BTN2A1: variants seen among roughly 807,000 people sequenced by gnomAD.
BTN2A1 encodes butyrophilin subfamily 2 member A1.
BTN2A1 carries 41 observed loss-of-function variants against 34.5 expected under a neutral mutation model. The observed-to-expected ratio is 1.19, with a 90% confidence interval of 0.93 to 1.54. BTN2A1 has a LOEUF of 1.54. Ranked by LOEUF, BTN2A1 falls within the 40% of genes most tolerant of loss-of-function variation. The probability of loss-of-function intolerance (pLI) is 0.00; values close to 1 mark genes in which losing one functional copy is unlikely to be tolerated. For missense variants in BTN2A1, 642 were observed against 662.0 expected, an observed-to-expected ratio of 0.97 and a Z score of 0.33; for synonymous variants, 267 against 258.6, an observed-to-expected ratio of 1.03 and a Z score of -0.31.
Position 26,468,121 on chromosome 6 carries a change from C to T in BTN2A1, c.1156C>T (p.His386Tyr), listed in dbSNP as rs1763368874. The T allele has an allele frequency of 3.1e-6, 5 of 1,614,046 alleles. No individual in the cohort carries two copies. The highest frequency in any genetic ancestry group is 4.2e-6 in the Non-Finnish European group (5 of 1,180,042). The change falls in exon 8 of 8, where the codon CAT (histidine) becomes TAT (tyrosine). Residue 386 changes from histidine (H) to tyrosine (Y), a missense_variant. Physicochemically the swap from His to Tyr is moderately conservative, Grantham distance 83. Coordinates refer to ENST00000312541, the MANE Select transcript of BTN2A1 (RefSeq NM_007049.5). ...LGRESFASGK[H>Y]YWEVEVENVI... is the part of the protein sequence containing the mutation. ...CCGGGAGAGCTTCGCTTCAGGGAAA[C>T]ATTACTGGGAGGTGGAGGTGGAAAA...
chr6:26,458,768 A>G lies in BTN2A1; in HGVS notation c.82+50A>G, dbSNP rs1244578630. ...TGTCACCTATCAGAAAGGAACATCA[A>G]CCCTGTAGTCTGCAAAGGGAAAGAA... On this transcript the variant is annotated intron_variant, in intron 2 of 7. Transcript: ENST00000312541. The G allele has an allele frequency of 3.8e-6, 6 of 1,593,840 alleles. No individual in the cohort carries two copies. The African/African-American group carries it at 6.7e-5, about 18-fold the overall frequency.
At position 26,465,329 on chromosome 6, in the gene BTN2A1, A is replaced by T; in HGVS notation, c.857A>T (p.Glu286Val). The change falls in exon 5 of 8, where the codon GAA (glutamate) becomes GTA (valine). Residue 286 changes from glutamate to valine, a missense_variant. Coordinates refer to ENST00000312541, the MANE Select transcript of BTN2A1 (RefSeq NM_007049.5). ...KKILSGEKEF[E>V]RETREIALKE... is the part of the protein sequence containing the mutation. ...ATTCTGTCAGGGGAAAAGGAGTTTG[A>T]ACGGGAAACAAGAGAAATTGCTCTA... 1 of 1,614,160 alleles carries T rather than the reference A, an allele frequency of 6.2e-7. No individual in the cohort carries two copies. The highest frequency in any genetic ancestry group is 1.3e-5 in the African/African-American group (1 of 75,042).
intron 3 of BTN2A1, among the ~76,000 whole-genome samples, chr6:26,462,118 A>G (rs1369598269): frequency 6.6e-6 from 1 of 152,216 alleles, no homozygotes; most frequent in African/African-American, 2.4e-5. Context: ...GAGACTTTAC[A>G]AAGGAATTAC....
downstream of BTN2A1, among the ~76,000 whole-genome samples, chr6:26,472,443 G>A (rs897990414): frequency 2.6e-5 from 4 of 152,176 alleles, no homozygotes; most frequent in African/African-American, 9.7e-5. Flanking sequence ...AATTCAAACT[G>A]TTGTAGTATC....
At position 26,468,169 on chromosome 6, in the gene BTN2A1, G is replaced by T; in HGVS notation, c.1204G>T (p.Val402Phe). The T allele has an allele frequency of 6.2e-7, 1 of 1,614,198 alleles. No homozygotes were observed. The highest frequency in any genetic ancestry group is 8.5e-7 in the Non-Finnish European group (1 of 1,180,032). ...VENVIEWTVG[V>F]CRDSVERKGE... ...AAACGTGATTGAGTGGACTGTGGGGGTCTGTAGAGACAGTGTTGAGAGGAA... is the reference window on the plus strand; with the variant it reads ...AAACGTGATTGAGTGGACTGTGGGGTTCTGTAGAGACAGTGTTGAGAGGAA... Residue 402 changes from valine (V) to phenylalanine (F), a missense_variant, in exon 8 of 8, where the codon GTC becomes TTC. Physicochemically the swap from Val to Phe is conservative, Grantham distance 50 (BLOSUM62 -1). Transcript: ENST00000312541.
At chr6:26,474,243 A>C (rs1184644746), downstream of BTN2A1, among the ~76,000 whole-genome samples, 3 of 152,168 alleles carry the variant, frequency 2.0e-5, no homozygotes, top group Non-Finnish European at 4.4e-5. Context: ...GCCGAACTTC[A>C]GTCGGCGGCA....
rs1034262390 is a variant in BTN2A1, at chr6:26,459,806, C to T, written c.408C>T (p.Ala136=). The part of the protein sequence containing the change: ...YFQEGRSYDE[A]ILHLVVAGLG... ...AAGAAGGCAGGTCCTACGATGAGGC[C>T]ATCCTGCACCTCGTAGTGGCAGGTG... Residue 136 remains alanine (A), a synonymous_variant, in exon 3 of 8, where the codon GCC becomes GCT. Transcript: ENST00000312541. 4 of 1,613,152 alleles carry T rather than the reference C, an allele frequency of 2.5e-6. No individual in the cohort carries two copies. Among genetic ancestry groups the T allele is most frequent in the Non-Finnish European group, 3.4e-6 (4 of 1,179,328 alleles).
chr6:26,470,380 AC>A (rs11394562), downstream of BTN2A1, among the ~76,000 whole-genome samples: 20 of 141,822 alleles, frequency 1.4e-4, no homozygotes, highest in African/African-American at 4.7e-4. Flanking sequence ...TATGTCAGAG[AC>A]CCCCCCCACC....
Position 26,465,331 on chromosome 6 carries a change from C to T in BTN2A1, c.859C>T (p.Arg287Trp), listed in dbSNP as rs148155227. Residue 287 changes from arginine (R) to tryptophan (W), a missense_variant, in exon 5 of 8, where the codon CGG becomes TGG. By Grantham distance (101) the Arg-to-Trp change is moderately radical (BLOSUM62 -3). Transcript: ENST00000312541. ...KILSGEKEFE[R>W]ETREIALKEL... ...TCTGTCAGGGGAAAAGGAGTTTGAA[C>T]GGGAAACAAGAGAAATTGCTCTAAA... The T allele has an allele frequency of 2.2e-5, 35 of 1,613,928 alleles. 1 individual carries two copies. The highest frequency in any genetic ancestry group is 3.3e-4 in the Middle Eastern group (2 of 6,062).
chr6:26,473,015 T>C (rs564309463), downstream of BTN2A1, among the ~76,000 whole-genome samples: 7 of 152,252 alleles, frequency 4.6e-5, no homozygotes, highest in Admixed American at 2.6e-4. Flanking sequence ...TGTGGGTATA[T>C]GGAAAGTAGT....
At position 26,469,000 on chromosome 6, in the gene BTN2A1, G is replaced by A. The variant is rs1227791049; in HGVS notation, c.*451G>A. The A allele has an allele frequency of 1.2e-5, 14 of 1,190,948 alleles. No individual in the cohort carries two copies. Among genetic ancestry groups the A allele is most frequent in the Non-Finnish European group, 1.5e-5 (14 of 944,966 alleles). The allele number at this position is 1,190,948 out of a possible 1,614,324, so 73.8% of individuals were successfully genotyped here. A position where few individuals can be genotyped will look rare whatever the true frequency, so the allele number is the denominator to read the frequency against. On this transcript the variant is annotated 3_prime_UTR_variant, in exon 8 of 8. Transcript: ENST00000312541. ...GAGAGGAGAGGGAACCAGATATGCA[G>A]ATCAGAGATAGAGGAAGTGGAACCA...
chr6:26,463,214 T>G lies in BTN2A1; in HGVS notation c.431-30T>G, dbSNP rs1342305894. ...CAGAAGAGATGCAAAAGGCACTGAC[T>G]TTTGCCTGAACCCTGATATCTCTCC... On this transcript the variant is annotated intron_variant, in intron 3 of 7. Transcript: ENST00000312541. The G allele has an allele frequency of 4.5e-6, 7 of 1,542,688 alleles. No individual in the cohort carries two copies. In the East Asian group the frequency reaches 6.8e-5, roughly 15 times the overall value.
In BTN2A1 at chr6:26,460,098, C is replaced by T. The variant is rs192483706; in HGVS notation, c.430+270C>T. Among the ~76,000 whole-genome samples the T allele has an allele frequency of 1.4e-4, 21 of 152,096 alleles. No individual in the cohort carries two copies. The East Asian group carries it at 3.7e-3, about 27-fold the overall frequency. On this transcript the variant is annotated intron_variant, in intron 3 of 7. Transcript: ENST00000312541. Reference sequence around the variant, plus strand: ...GTGAGCAGGGGAAAATGGTCAGTCTCGGAAGAGAAGTCTTATACCTGCCTT... The same window carrying T: ...GTGAGCAGGGGAAAATGGTCAGTCTTGGAAGAGAAGTCTTATACCTGCCTT...
chr6:26,475,205 C>T (rs183558807), intron 7 of BTN2A1, among the ~76,000 whole-genome samples: 34 of 152,160 alleles, frequency 2.2e-4, no homozygotes, highest in African/African-American at 8.0e-4. Context: ...CCCAACATCC[C>T]CACAACAGCC....
Position 26,463,364 on chromosome 6 carries a change from G to T in BTN2A1, c.551G>T (p.Gly184Val). Residue 184 changes from glycine (G) to valine (V), a missense_variant, in exon 4 of 8, where the codon GGG (glycine) becomes GTG (valine). Gly to Val is a moderately radical substitution (Grantham distance 109). Coordinates refer to ENST00000312541, the MANE Select transcript of BTN2A1 (RefSeq NM_007049.5). ...ACAGTGTGGAGGGACCCCTACGGTGGGGTTGCGCCTGCCCTGAAAGAGGTC... is the reference window on the plus strand; with the variant it reads ...ACAGTGTGGAGGGACCCCTACGGTGTGGTTGCGCCTGCCCTGAAAGAGGTC... The part of the protein sequence containing the change: ...PLTVWRDPYG[G>V]VAPALKEVSM... The T allele has an allele frequency of 6.2e-7, 1 of 1,614,080 alleles. No individual in the cohort carries two copies. Among genetic ancestry groups the T allele is most frequent in the Non-Finnish European group, 8.5e-7 (1 of 1,180,002 alleles).
chr6:26,471,384 T>A (rs1351041617), downstream of BTN2A1, among the ~76,000 whole-genome samples: 4 of 152,234 alleles, frequency 2.6e-5, no homozygotes, highest in Non-Finnish European at 5.9e-5. Flanking sequence ...TTTAAATGTG[T>A]CCTCATATGG....
intron 3 of BTN2A1, chr6:26,462,802 C>T (rs1763200793): frequency 7.8e-7 from 1 of 1,286,794 alleles, no homozygotes; most frequent in East Asian, 5.6e-5. Flanking sequence ...TCTAGAGCTT[C>T]TGGAAGCTGA....
At chr6:26,472,944 G>A (rs1361942891), downstream of BTN2A1, among the ~76,000 whole-genome samples, 1 of 152,036 alleles carries the variant, frequency 6.6e-6, no homozygotes, top group Non-Finnish European at 1.5e-5. Context: ...ATGCAAAAAA[G>A]GTTAAAGTGA....
At chr6:26,460,384 CAG>C (rs146937743) in intron 3 of BTN2A1, among the ~76,000 whole-genome samples, 9,637 of 152,146 alleles carry the variant, frequency 0.063, 387 homozygotes, top group Middle Eastern at 0.099. Flanking sequence ...ATGCTGATTG[CAG>C]AGAGAGTGAC....
Sources: gnomAD v4.1 joint callset for allele counts (sites outside exome capture counted in the v4.1 genomes callset) on GRCh38, gnomAD v4.1.1 for gene constraint, MANE v1.5 for transcripts, NCBI Gene and HGNC (gene_info 2026-07-23, HGNC 2026-07-21) for gene names.